Variants in AGBL1 observed in about 807,000 individuals in gnomAD.
AGBL1 encodes cytosolic carboxypeptidase 4.
AGBL1 carries 130 observed loss-of-function variants against 118.9 expected under a neutral mutation model. The observed-to-expected ratio is 1.09, with a 90% CI of 0.95 to 1.26. AGBL1 has a LOEUF of 1.26. Among genes scored for constraint, AGBL1 ranks in the 50% most tolerant of loss-of-function variants. The pLI is 0.00. For missense variants in AGBL1, 1,584 were observed against 1,298.1 expected (o/e 1.22, Z -3.38); for synonymous variants, 555 against 478.9 (o/e 1.16, Z -2.08).
At chr15:86,677,129 C>G (rs965020546) in intron 22 of AGBL1, among the ~76,000 whole-genome samples, 2 of 152,158 alleles carry the variant, frequency 1.3e-5, no homozygotes, top group African/African-American at 4.8e-5. Context: ...TGTGGCTGCA[C>G]ACTGTGGACA....
chr15:86,334,435 A>G (rs1215262093), intron 17 of AGBL1, among the ~76,000 whole-genome samples: 1 of 152,138 alleles, frequency 6.6e-6, no homozygotes, highest in Non-Finnish European at 1.5e-5. Flanking sequence ...ACAAAATACT[A>G]CCTAGGAATA....
intron 18 of AGBL1, among the ~76,000 whole-genome samples, chr15:86,419,013 T>A (rs1188356465): frequency 6.6e-6 from 1 of 152,144 alleles, no homozygotes. Context: ...CTCTTGGATA[T>A]GAGTAGATCA....
intron 18 of AGBL1, among the ~76,000 whole-genome samples, chr15:86,491,115 A>G (rs990309002): frequency 2.0e-5 from 3 of 152,110 alleles, no homozygotes; most frequent in Admixed American, 6.6e-5. Context: ...ATAATTTGGT[A>G]TGGAGCATGT....
intron 22 of AGBL1, among the ~76,000 whole-genome samples, chr15:86,887,693 G>A (rs1271427690): frequency 6.6e-6 from 1 of 152,116 alleles, no homozygotes; most frequent in African/African-American, 2.4e-5. Context: ...CCCTGACATT[G>A]TTCCATGCAC....
chr15:86,947,599 C>T (rs2080839197), intron 23 of AGBL1, among the ~76,000 whole-genome samples: 1 of 152,006 alleles, frequency 6.6e-6, no homozygotes, highest in African/African-American at 2.4e-5. Context: ...ATTTTGTTAT[C>T]AAATTGTAAG....
intron 22 of AGBL1, among the ~76,000 whole-genome samples, chr15:86,878,014 C>A (rs934157793): frequency 2.6e-5 from 4 of 152,136 alleles, no homozygotes; most frequent in Non-Finnish European, 4.4e-5. Context: ...ACAAAGAACA[C>A]TGGAAAGTGT....
chr15:86,499,354 C>T (rs1290891560), intron 18 of AGBL1, among the ~76,000 whole-genome samples: 1 of 151,802 alleles, frequency 6.6e-6, no homozygotes, highest in Admixed American at 6.6e-5. Flanking sequence ...GGCTGGGATT[C>T]TGGAGAAAAG....
At chr15:86,470,706 T>G (rs1384126686) in intron 18 of AGBL1, among the ~76,000 whole-genome samples, 2 of 152,172 alleles carry the variant, frequency 1.3e-5, no homozygotes, top group African/African-American at 4.8e-5. Context: ...CGTCTTAAAT[T>G]TCTTTCATCA....
At chr15:86,178,778 AAAG>A (rs1382256264) in intron 5 of AGBL1, among the ~76,000 whole-genome samples, 7 of 152,254 alleles carry the variant, frequency 4.6e-5, no homozygotes, top group Admixed American at 3.3e-4. Context: ...AAGACTTTAC[AAAG>A]AAGGAAAACT....
chr15:86,841,066 A>G (rs969850384), intron 22 of AGBL1, among the ~76,000 whole-genome samples: 6 of 152,186 alleles, frequency 3.9e-5, no homozygotes, highest in African/African-American at 1.4e-4. Flanking sequence ...AGGTTCTAGG[A>G]CAAGCCCAGC....
intron 18 of AGBL1, among the ~76,000 whole-genome samples, chr15:86,437,447 T>C (rs186414949): frequency 6.6e-6 from 1 of 152,330 alleles, no homozygotes; most frequent in African/African-American, 2.4e-5. Context: ...ACCATCATTT[T>C]AAAAATCAGA....
intron 22 of AGBL1, among the ~76,000 whole-genome samples, chr15:86,726,949 C>A (rs1375925328): frequency 6.6e-6 from 1 of 151,990 alleles, no homozygotes; most frequent in East Asian, 1.9e-4. Flanking sequence ...CGTCGTTTTC[C>A]TCGTTGGTCA....
intron 24 of AGBL1, among the ~76,000 whole-genome samples, chr15:87,017,822 T>G (rs1181278699): frequency 1.3e-5 from 2 of 152,216 alleles, no homozygotes; most frequent in African/African-American, 2.4e-5. Flanking sequence ...AGAAGTAGGC[T>G]TCAGAAGGTG....
At chr15:86,777,024 AC>A (rs1440655453) in intron 22 of AGBL1, among the ~76,000 whole-genome samples, 3 of 152,002 alleles carry the variant, frequency 2.0e-5, no homozygotes, top group African/African-American at 7.2e-5. Context: ...TTAGAGGATT[AC>A]TGCTCACATT....
intron 22 of AGBL1, among the ~76,000 whole-genome samples, chr15:86,882,824 A>C (rs779064679): frequency 3.9e-5 from 6 of 152,226 alleles, no homozygotes; most frequent in African/African-American, 7.2e-5. Context: ...TATTAAAAAA[A>C]CTAGACAGGA....
chr15:86,437,732 C>T (rs1482769838), intron 18 of AGBL1, among the ~76,000 whole-genome samples: 1 of 152,114 alleles, frequency 6.6e-6, no homozygotes, highest in Admixed American at 6.5e-5. Context: ...CTTATGAGCT[C>T]CCAGTCTCTT....
intron 22 of AGBL1, among the ~76,000 whole-genome samples, chr15:86,861,018 T>C (rs527675253): frequency 6.6e-6 from 1 of 152,166 alleles, no homozygotes; most frequent in Admixed American, 6.5e-5. Context: ...CAGTTCCAAG[T>C]GATGGGCCTT....
At chr15:86,855,828 G>T (rs1159254804) in intron 22 of AGBL1, among the ~76,000 whole-genome samples, 1 of 152,196 alleles carries the variant, frequency 6.6e-6, no homozygotes, top group Non-Finnish European at 1.5e-5. Flanking sequence ...CCTTTGCCAA[G>T]GATTCTCTCC....
At chr15:86,087,102 G>T (rs564848333) in intron 1 of AGBL1, among the ~76,000 whole-genome samples, 2 of 152,178 alleles carry the variant, frequency 1.3e-5, no homozygotes, top group Non-Finnish European at 2.9e-5. Context: ...ATTAGCTAGC[G>T]AAAGCACTGG....
Sources: gnomAD v4.1 joint callset for allele counts (sites outside exome capture counted in the v4.1 genomes callset) on GRCh38, gnomAD v4.1.1 for gene constraint, MANE v1.5 for transcripts, NCBI Gene and HGNC (gene_info 2026-07-23, HGNC 2026-07-21) for gene names.